Variants in TUT1 observed in about 807,000 individuals in gnomAD.
TUT1 encodes the protein speckle targeted PIP5K1A-regulated poly(A) polymerase.
In TUT1, 26 loss-of-function variants were observed where a neutral mutation model predicts 48.8. That is an observed-to-expected ratio of 0.53 (90% CI 0.39 to 0.74). The LOEUF is 0.74. TUT1 is among the 30% of genes least tolerant of loss of function. The probability of loss-of-function intolerance (pLI) is 0.00; values close to 1 mark genes in which losing one functional copy is unlikely to be tolerated. For synonymous variants in TUT1, 470 were observed against 460.8 expected, an observed-to-expected ratio of 1.02 and a Z score of -0.26; for missense variants, 1,065 against 1,114.8, an observed-to-expected ratio of 0.96 and a Z score of 0.64.
chr11:62,586,147 C>G (rs959586865), intron 2 of TUT1, among the ~76,000 whole-genome samples: 10 of 152,122 alleles, frequency 6.6e-5, no homozygotes, highest in African/African-American at 1.2e-4. Context: ...AAATAAGGAG[C>G]CTGTGTCCTT....
At chr11:62,584,922 A>G (rs1016205840) in intron 2 of TUT1, among the ~76,000 whole-genome samples, 2 of 151,974 alleles carry the variant, frequency 1.3e-5, no homozygotes, top group Admixed American at 6.6e-5. Flanking sequence ...CTCGGGTTCA[A>G]GCAATTCTCC....
chr11:62,588,345 G>A (rs1184058452), intron 2 of TUT1, among the ~76,000 whole-genome samples: 7 of 152,180 alleles, frequency 4.6e-5, no homozygotes, highest in Non-Finnish European at 1.0e-4. Flanking sequence ...CCTGAGGTCA[G>A]GAGTTCGAGA....
intron 1 of TUT1, chr11:62,591,202 G>A (rs1401463565): frequency 1.6e-6 from 1 of 609,122 alleles, no homozygotes; most frequent in East Asian, 1.4e-4. Context: ...GCGTTGTGGA[G>A]ATTTCATATA....
intron 2 of TUT1, among the ~76,000 whole-genome samples, chr11:62,584,085 G>C (rs1298910259): frequency 6.6e-6 from 1 of 152,006 alleles, no homozygotes; most frequent in Non-Finnish European, 1.5e-5. Flanking sequence ...CAGTCATGAG[G>C]GTTGAAGAAC....
intron 2 of TUT1, among the ~76,000 whole-genome samples, chr11:62,583,635 A>C (rs1199191146): frequency 6.6e-6 from 1 of 152,184 alleles, no homozygotes; most frequent in Non-Finnish European, 1.5e-5. Context: ...GAGGAAAAAC[A>C]GGACTGCTTT....
intron 2 of TUT1, among the ~76,000 whole-genome samples, chr11:62,582,071 C>G (rs542887295): frequency 1.3e-5 from 2 of 152,112 alleles, no homozygotes; most frequent in African/African-American, 2.4e-5. Context: ...CAACCTCTGC[C>G]TCCCAGGTTC....
In TUT1 at chr11:62,581,717, G is replaced by A. The variant is rs1941830076; in HGVS notation, c.274-16C>T. 4.2e-6 allele frequency: 6 copies of A among 1,415,540 alleles called. No homozygotes were observed. The highest frequency in any genetic ancestry group is 5.5e-6 in the Non-Finnish European group (6 of 1,081,086). 87.7% of individuals were successfully genotyped at this position (1,415,540 alleles called of 1,614,324 possible). A position where few individuals can be genotyped will look rare whatever the true frequency, so the allele number is the denominator to read the frequency against. ...CAAACACTCCCTGGTAAACAACAGG[G>A]GCAGAGATGATGATTTTGGAACCAA... On this transcript the variant is annotated splice_polypyrimidine_tract_variant and intron_variant, in intron 2 of 8. Coordinates refer to ENST00000476907, the MANE Select transcript of TUT1 (RefSeq NM_022830.3).
rs1012398245 is a variant in TUT1, at chr11:62,577,293, T to TGGGACAAAGCA, written c.1161-13_1161-3dup. Reference sequence around the variant, plus strand: ...AAACGGGAGTTATGCAGGGCCAGCCTGGGACAAAGCAGGGACAAGGGTGTT... The same window carrying TGGGACAAAGCA: ...AAACGGGAGTTATGCAGGGCCAGCCTGGGACAAAGCAGGGACAAAGCAGGGACAAGGGTGTT... On this transcript the variant is annotated splice_region_variant and splice_polypyrimidine_tract_variant and intron_variant, in intron 5 of 8. Transcript: ENST00000476907. 7 of 1,611,480 alleles carry TGGGACAAAGCA rather than the reference T, an allele frequency of 4.3e-6. No homozygotes were observed. Among genetic ancestry groups the TGGGACAAAGCA allele is most frequent in the Non-Finnish European group, 5.9e-6 (7 of 1,179,052 alleles).
At chr11:62,579,850 G>C (rs1433132155) in intron 4 of TUT1, among the ~76,000 whole-genome samples, 1 of 151,878 alleles carries the variant, frequency 6.6e-6, no homozygotes. Context: ...ATTTTTAGTA[G>C]AGACAGCATT....
At chr11:62,581,351 G>C (rs756523182) in intron 3 of TUT1, 35 bp downstream of exon 3, 1 of 1,575,762 alleles carries the variant, frequency 6.3e-7, no homozygotes, top group Non-Finnish European at 8.6e-7. Flanking sequence ...GCAAAGGCCA[G>C]GGAGGGCTCA....
At chr11:62,585,600 G>A (rs1051620990) in intron 2 of TUT1, among the ~76,000 whole-genome samples, 6 of 152,236 alleles carry the variant, frequency 3.9e-5, no homozygotes, top group Non-Finnish European at 8.8e-5. Flanking sequence ...GGGAGGCTGA[G>A]GCGGACAGAT....
In TUT1 at chr11:62,589,564, C is replaced by T. The variant is rs1040518000; in HGVS notation, c.83-343G>A. Among the ~76,000 whole-genome samples, 7 of 152,090 alleles carry T rather than the reference C, an allele frequency of 4.6e-5. No homozygotes were observed. The East Asian group carries it at 5.8e-4, about 13-fold the overall frequency. On this transcript the variant is annotated intron_variant, in intron 1 of 8. Transcript: ENST00000476907. ...GACTACAGGCGTGTGTCACCACACC[C>T]GGCTAATTTTTGTATTTTTAGTAGA...
intron 1 of TUT1, among the ~76,000 whole-genome samples, chr11:62,590,940 G>A (rs529713641): frequency 1.3e-5 from 2 of 151,906 alleles, no homozygotes; most frequent in Non-Finnish European, 2.9e-5. Flanking sequence ...AGTCATTCAT[G>A]CCACACCTAT....
At chr11:62,581,055 T>C in intron 4 of TUT1, 51 bp downstream of exon 4, 4 of 1,446,194 alleles carry the variant, frequency 2.8e-6, no homozygotes, top group Non-Finnish European at 3.9e-6. Context: ...CACAGTCACA[T>C]GGCCATTCTC....
chr11:62,582,555 T>A (rs758595926), intron 2 of TUT1: 1 of 452,478 alleles, frequency 2.2e-6, no homozygotes, highest in East Asian at 7.1e-5. Context: ...GTGATTGTGA[T>A]TGCACCACTA....
intron 2 of TUT1, among the ~76,000 whole-genome samples, chr11:62,587,326 C>T (rs1263840832): frequency 1.3e-5 from 2 of 152,072 alleles, no homozygotes; most frequent in Non-Finnish European, 2.9e-5. Flanking sequence ...GGATTACAGG[C>T]ATGTGCCACC....
At position 62,589,098 on chromosome 11, in the gene TUT1, G is replaced by GA; in HGVS notation, c.205dup (p.Ser69PhefsTer6). The GA allele has an allele frequency of 6.2e-7, 1 of 1,614,218 alleles. No homozygotes were observed. Among genetic ancestry groups the GA allele is most frequent in the Non-Finnish European group, 8.5e-7 (1 of 1,180,044 alleles). Reference sequence around the variant, plus strand: ...TAGGAAGTACTCAGAGAGCTGAGCAGAATCCACATCCCTGGGAAAGCCACT... The same window carrying GA: ...TAGGAAGTACTCAGAGAGCTGAGCAGAAATCCACATCCCTGGGAAAGCCACT... On this transcript the variant is annotated frameshift_variant, in exon 2 of 9. Coordinates refer to ENST00000476907, the MANE Select transcript of TUT1 (RefSeq NM_022830.3). LOFTEE classifies it high-confidence loss of function.
intron 2 of TUT1, among the ~76,000 whole-genome samples, chr11:62,583,622 GAA>G (rs1248916241): frequency 3.9e-5 from 6 of 152,022 alleles, no homozygotes; most frequent in African/African-American, 1.4e-4. Context: ...GAAAAAAAAA[GAA>G]GAGGAAAAAC....
intron 1 of TUT1, 127 bp from the exon 2 acceptor site, chr11:62,589,348 G>A: frequency 1.3e-6 from 1 of 784,500 alleles, no homozygotes; most frequent in African/African-American, 1.8e-5. Context: ...AATAAACAAA[G>A]TCCTGGCTCC....
Sources: allele counts gnomAD v4.1 joint callset (sites outside exome capture counted in the v4.1 genomes callset), GRCh38; gene constraint gnomAD v4.1.1; transcripts MANE v1.5; gene names NCBI Gene and HGNC (gene_info 2026-07-23, HGNC 2026-07-21).